The following PEAK1 variants were observed in gnomAD, a reference collection of about 807,000 sequenced individuals.
The protein encoded by PEAK1 is inactive tyrosine-protein kinase PEAK1.
In PEAK1, 54 loss-of-function variants were observed where a neutral mutation model predicts 124.7. That is an observed-to-expected ratio of 0.43 (90% confidence interval 0.35 to 0.54). The LOEUF (loss-of-function observed/expected upper bound fraction) is 0.54. PEAK1 is among the 20% of genes least tolerant of loss of function. The pLI is 0.01. For synonymous variants in PEAK1, 719 were observed against 760.0 expected (o/e 0.95, Z 0.89); for missense variants, 2,046 against 2,134.5 (o/e 0.96, Z 0.82).
rs373092860 is a variant in PEAK1 at position 77,245,845 on chromosome 15, A to C, written c.-115+6522T>G. 3.9e-5 allele frequency among the ~76,000 whole-genome samples: 6 copies of C among 152,310 alleles called. No homozygotes were observed. The East Asian group carries it at 7.7e-4, about 20-fold the overall frequency. Reference sequence around the variant, plus strand: ...CAGATCTATTTACCCTTTTAACGACAATATACTGCTCAAGTACTGCAGTTT... The same window carrying C: ...CAGATCTATTTACCCTTTTAACGACCATATACTGCTCAAGTACTGCAGTTT... On this transcript the variant is annotated intron_variant, in intron 6 of 9. Transcript: ENST00000682557.
intron 1 of PEAK1, chr15:77,402,211 T>G: frequency 1.0e-6 from 1 of 981,418 alleles, no homozygotes; most frequent in Non-Finnish European, 1.2e-6. Flanking sequence ...TCTTCCCTTG[T>G]GCCTAAGTAC....
chr15:77,400,993 T>C (rs2071334123), intron 1 of PEAK1, among the ~76,000 whole-genome samples: 1 of 152,156 alleles, frequency 6.6e-6, no homozygotes, highest in African/African-American at 2.4e-5. Flanking sequence ...TACATAACAA[T>C]CTTGTGTATT....
rs116288217 is a variant in PEAK1, at chr15:77,302,601, A to T, written c.-602-16097T>A. Among the ~76,000 whole-genome samples, 960 of 152,300 alleles carry T rather than the reference A, an allele frequency of 6.3e-3. 13 individuals carry two copies. The highest frequency in any genetic ancestry group is 0.022 in the African/African-American group (910 of 41,570). On this transcript the variant is annotated intron_variant, in intron 2 of 9. Transcript: ENST00000682557. Reference sequence around the variant, plus strand: ...CTTATGCATAGTTCCTTTAGTTTAAAGTAAGTACGGTAAGACTAAACAGTC... The same window carrying T: ...CTTATGCATAGTTCCTTTAGTTTAATGTAAGTACGGTAAGACTAAACAGTC...
At position 77,181,340 on chromosome 15, in the gene PEAK1, C is replaced by A; in HGVS notation, c.587G>T (p.Cys196Phe). 6.2e-7 allele frequency: 1 copy of A among 1,614,164 alleles called. No individual in the cohort carries two copies. Among genetic ancestry groups the A allele is most frequent in the Non-Finnish European group, 8.5e-7 (1 of 1,180,022 alleles). The part of the protein sequence containing the change: ...RSLERKLPPS[C>F]MIGGIKETQG... ...AGTTTCCTTTATCCCACCTATCATG[C>A]AACTTGGTGGAAGCTTTCTTTCCAA... Residue 196 changes from cysteine to phenylalanine, a missense_variant, in exon 7 of 10, where the codon TGC (cysteine) becomes TTC (phenylalanine). Physicochemically the swap from Cys to Phe is radical, Grantham distance 205. Transcript: ENST00000682557.
At chr15:77,139,579 A>G (rs1275346277) in intron 8 of PEAK1, among the ~76,000 whole-genome samples, 1 of 152,204 alleles carries the variant, frequency 6.6e-6, no homozygotes, top group Non-Finnish European at 1.5e-5. Context: ...CTATGAGACC[A>G]GTGTTGTTTG....
chr15:77,351,667 T>C (rs145952998), intron 2 of PEAK1: 1 of 916,288 alleles, frequency 1.1e-6, no homozygotes, highest in East Asian at 1.2e-4. Context: ...CCTTGCTTTG[T>C]TTGTGCGTTT....
intron 4 of PEAK1, among the ~76,000 whole-genome samples, 163 bp from the exon 5 acceptor site, chr15:77,284,193 G>A (rs1270199634): frequency 6.6e-6 from 1 of 152,198 alleles, no homozygotes; most frequent in Non-Finnish European, 1.5e-5. Context: ...TGTATGTAAA[G>A]AGCAAAGAGC....
At chr15:77,227,856 G>T (rs1393967232) in intron 6 of PEAK1, among the ~76,000 whole-genome samples, 1 of 151,770 alleles carries the variant, frequency 6.6e-6, no homozygotes, top group Non-Finnish European at 1.5e-5. Flanking sequence ...AATTAGCCTG[G>T]TATGGTGGTG....
At chr15:77,270,637 G>A (rs1298076458) in intron 5 of PEAK1, among the ~76,000 whole-genome samples, 3 of 152,150 alleles carry the variant, frequency 2.0e-5, no homozygotes, top group Non-Finnish European at 4.4e-5. Context: ...CATAGGCTTA[G>A]GATTGACTTG....
At chr15:77,230,697 G>A (rs1350024651) in intron 6 of PEAK1, among the ~76,000 whole-genome samples, 1 of 152,116 alleles carries the variant, frequency 6.6e-6, no homozygotes, top group African/African-American at 2.4e-5. Context: ...AGGAGTTTGA[G>A]ACCAGCCTGG....
chr15:77,201,031 C>T (rs1272696270), intron 6 of PEAK1, among the ~76,000 whole-genome samples: 1 of 151,860 alleles, frequency 6.6e-6, no homozygotes, highest in African/African-American at 2.4e-5. Context: ...TATGTAGATG[C>T]TACCAAATGT....
rs541417007 is a variant in PEAK1, at chr15:77,413,549, T to C, written c.-666+6457A>G. On this transcript the variant is annotated intron_variant, in intron 1 of 9. Transcript: ENST00000682557. ...GACAAACCTAAACTGAAGAACATTCTACAAAATACTTGTGTCAAGGTTATA... is the reference window on the plus strand; with the variant it reads ...GACAAACCTAAACTGAAGAACATTCCACAAAATACTTGTGTCAAGGTTATA... Among the ~76,000 whole-genome samples, 245 of 152,288 alleles carry C rather than the reference T, an allele frequency of 1.6e-3. 1 individual carries two copies. Among genetic ancestry groups the C allele is most frequent in the Non-Finnish European group, 2.8e-3 (188 of 68,032 alleles).
intron 2 of PEAK1, chr15:77,347,903 G>T: frequency 1.0e-6 from 1 of 984,422 alleles, no homozygotes; most frequent in Non-Finnish European, 1.2e-6. Flanking sequence ...AAAAAAAGTA[G>T]CTCACCTTAA....
At chr15:77,183,626 T>C (rs2057392542) in intron 6 of PEAK1, among the ~76,000 whole-genome samples, 1 of 151,936 alleles carries the variant, frequency 6.6e-6, no homozygotes, top group Non-Finnish European at 1.5e-5. Context: ...TATTTTGCCT[T>C]TTATCAAAAA....
intron 1 of PEAK1, among the ~76,000 whole-genome samples, chr15:77,408,446 G>A (rs1340883762): frequency 6.6e-6 from 1 of 151,910 alleles, no homozygotes; most frequent in East Asian, 1.9e-4. Flanking sequence ...ACTGCTTGGC[G>A]ATGGGTGCAC....
chr15:77,412,043 T>A (rs773284402), intron 1 of PEAK1, among the ~76,000 whole-genome samples: 2 of 152,194 alleles, frequency 1.3e-5, no homozygotes, highest in Admixed American at 6.5e-5. Context: ...TTGCAAATAA[T>A]AGGTATTAAG....
chr15:77,154,177 G>T (rs1396374177), intron 8 of PEAK1, among the ~76,000 whole-genome samples: 1 of 152,050 alleles, frequency 6.6e-6, no homozygotes, highest in Non-Finnish European at 1.5e-5. Context: ...TCCTGTATTG[G>T]GTGCATATAT....
rs2056504252 is a variant in PEAK1, at chr15:77,171,530, T to C, written c.3137+7260A>G. Among the ~76,000 whole-genome samples, 12 of 150,450 alleles carry C rather than the reference T, an allele frequency of 8.0e-5. No individual in the cohort carries two copies. In the South Asian group the frequency reaches 2.5e-3, roughly 32 times the overall value. ...GAGAGAATACGATAGGCTGGAAAAATGGGGGAAGAAAAGGATAGGCAGATA... is the reference window on the plus strand; with the variant it reads ...GAGAGAATACGATAGGCTGGAAAAACGGGGGAAGAAAAGGATAGGCAGATA... On this transcript the variant is annotated intron_variant, in intron 7 of 9. Transcript: ENST00000682557.
chr15:77,382,481 A>G (rs985703186), intron 1 of PEAK1, among the ~76,000 whole-genome samples: 11 of 152,118 alleles, frequency 7.2e-5, no homozygotes, highest in African/African-American at 2.4e-4. Context: ...TCTCTTAGAA[A>G]TATTTCCTGA....
Sources: gnomAD v4.1 joint callset for allele counts (sites outside exome capture counted in the v4.1 genomes callset) on GRCh38, gnomAD v4.1.1 for gene constraint, MANE v1.5 for transcripts, NCBI Gene and HGNC (gene_info 2026-07-23, HGNC 2026-07-21) for gene names.